ZBTB8OS: variants seen among roughly 807,000 people sequenced by gnomAD.
The protein encoded by ZBTB8OS is tRNA-splicing ligase-activating factor archease.
Under a neutral mutation model 29.3 loss-of-function variants are expected in ZBTB8OS, and 16 were observed. The ratio of observed to expected loss-of-function variants is 0.55; its 90% CI spans 0.37 to 0.83. The LOEUF (loss-of-function observed/expected upper bound fraction) is 0.83, where lower values mean the gene tolerates loss of function less well. Ranked by LOEUF, ZBTB8OS falls within the 40% of genes least tolerant of loss-of-function variation. The pLI is 0.00. For synonymous variants in ZBTB8OS, 70 were observed against 64.6 expected, an observed-to-expected ratio of 1.08 and a Z score of -0.40; for missense variants, 160 against 196.9, an observed-to-expected ratio of 0.81 and a Z score of 1.12.
intron 5 of ZBTB8OS, chr1:32,627,811 G>C (rs940629532): frequency 2.3e-6 from 1 of 440,250 alleles, no homozygotes; most frequent in African/African-American, 2.0e-5. Flanking sequence ...CCAAAGGGAG[G>C]ATCGCTTGAG....
chr1:32,641,029 T>C (rs1181044069), intron 1 of ZBTB8OS, among the ~76,000 whole-genome samples: 2 of 35,600 alleles, frequency 5.6e-5, no homozygotes, highest in Admixed American at 2.8e-4. Flanking sequence ...AAAAATTAGC[T>C]GGGCATGGTG....
Position 32,625,807 on chromosome 1 carries a change from G to A in ZBTB8OS, c.417+1701C>T, listed in dbSNP as rs138330892. 1.0e-3 allele frequency among the ~76,000 whole-genome samples: 158 copies of A among 151,570 alleles called. 1 individual carries two copies. The highest frequency in any genetic ancestry group is 3.4e-3 in the African/African-American group (139 of 41,362). The stretch of plus-strand genomic sequence containing the variant: ...TGAATTTAGAATACAGTTATGTGCC[G>A]CATAACATTTTGGTCAATGACTAAC... On this transcript the variant is annotated intron_variant, in intron 6 of 6. Transcript: ENST00000468695.
At chr1:32,643,173 C>T (rs967914524) in intron 1 of ZBTB8OS, among the ~76,000 whole-genome samples, 9 of 147,846 alleles carry the variant, frequency 6.1e-5, no homozygotes, top group Admixed American at 2.1e-4. Context: ...CAGGTTCAAG[C>T]GATTCTCCTG....
At chr1:32,648,353 A>C (rs1244887742) in intron 1 of ZBTB8OS, among the ~76,000 whole-genome samples, 4 of 152,238 alleles carry the variant, frequency 2.6e-5, no homozygotes, top group Non-Finnish European at 5.9e-5. Context: ...TTAGCAATGG[A>C]AACAAAAAAA....
At chr1:32,622,933 TTC>T (rs1286679294) in intron 6 of ZBTB8OS, among the ~76,000 whole-genome samples, 1 of 152,154 alleles carries the variant, frequency 6.6e-6, no homozygotes, top group Admixed American at 6.6e-5. Context: ...CTTGGGACTC[TTC>T]TCTTTCCAAG....
chr1:32,627,652 G>A, intron 5 of ZBTB8OS, 108 bp from the exon 6 acceptor site: 1 of 979,698 alleles, frequency 1.0e-6, no homozygotes. Context: ...AGAGACAGGA[G>A]GGGGTCAGGG....
At chr1:32,637,257 G>A (rs1268855778) in intron 1 of ZBTB8OS, among the ~76,000 whole-genome samples, 1 of 152,028 alleles carries the variant, frequency 6.6e-6, no homozygotes, top group Non-Finnish European at 1.5e-5. Context: ...ACACACGAGT[G>A]AAGAAGCCAG....
chr1:32,634,129 G>T, intron 2 of ZBTB8OS, 57 bp from the exon 3 acceptor site: 1 of 1,348,672 alleles, frequency 7.4e-7, no homozygotes, highest in South Asian at 2.4e-5. Flanking sequence ...AAGAAAATTT[G>T]ATAGCAGGCA....
chr1:32,637,707 A>C (rs910169408), intron 1 of ZBTB8OS, among the ~76,000 whole-genome samples: 2 of 152,192 alleles, frequency 1.3e-5, no homozygotes. Context: ...AGCAAAAGGG[A>C]ACTTTCTCTG....
chr1:32,634,827 T>A, intron 1 of ZBTB8OS, 35 bp from the exon 2 acceptor site: 2 of 1,348,978 alleles, frequency 1.5e-6, no homozygotes, highest in Non-Finnish European at 2.1e-6. Context: ...TATAAGACAC[T>A]AAACTTGACT....
intron 6 of ZBTB8OS, among the ~76,000 whole-genome samples, chr1:32,624,578 G>C (rs1188256078): frequency 6.6e-6 from 1 of 152,148 alleles, no homozygotes; most frequent in Non-Finnish European, 1.5e-5. Flanking sequence ...TAAGCTATTT[G>C]TAAAACATTC....
chr1:32,625,875 T>C (rs540006496), intron 6 of ZBTB8OS, among the ~76,000 whole-genome samples: 3 of 142,310 alleles, frequency 2.1e-5, no homozygotes, highest in East Asian at 4.0e-4. Flanking sequence ...ATGCTGTTTC[T>C]TTTTTTTTTT....
At chr1:32,634,343 C>A in intron 2 of ZBTB8OS, 1 of 305,972 alleles carries the variant, frequency 3.3e-6, no homozygotes, top group Non-Finnish European at 6.0e-6. Flanking sequence ...TCTCCTGCCT[C>A]AGCCTCACAA....
At chr1:32,641,067 G>A (rs977500709) in intron 1 of ZBTB8OS, among the ~76,000 whole-genome samples, 1 of 151,080 alleles carries the variant, frequency 6.6e-6, no homozygotes, top group African/African-American at 2.4e-5. Flanking sequence ...AGCTAATCGG[G>A]AGGCCGAGGC....
At chr1:32,642,896 G>C (rs1646524591) in intron 1 of ZBTB8OS, among the ~76,000 whole-genome samples, 1 of 137,786 alleles carries the variant, frequency 7.3e-6, no homozygotes, top group African/African-American at 2.8e-5. Flanking sequence ...TCAGCCTCCG[G>C]AGTAGCTGGG....
intron 1 of ZBTB8OS, among the ~76,000 whole-genome samples, chr1:32,638,637 G>A (rs1319623568): frequency 6.6e-6 from 1 of 152,160 alleles, no homozygotes; most frequent in Non-Finnish European, 1.5e-5. Flanking sequence ...AATAGGCTGG[G>A]TGTGGTGGCT....
chr1:32,634,599 C>A, intron 2 of ZBTB8OS, 169 bp downstream of exon 2: 1 of 755,424 alleles, frequency 1.3e-6, no homozygotes, highest in Non-Finnish European at 2.2e-6. Context: ...GCAATCTCGG[C>A]TCACTGAGCC....
rs1286243346 is a variant in ZBTB8OS, at chr1:32,639,309, T to A, written c.98-4517A>T. On this transcript the variant is annotated intron_variant, in intron 1 of 6. Transcript: ENST00000468695. ...CAAGACTCTACTCCCCCAAAAAAAA[T>A]AAAAAAAAAAAAGATGGAGTTTCCC... Among the ~76,000 whole-genome samples, 230 of 141,012 alleles carry A rather than the reference T, an allele frequency of 1.6e-3. 1 individual carries two copies. Among genetic ancestry groups the A allele is most frequent in the African/African-American group, 5.7e-3 (218 of 37,958 alleles). The allele number at this position is 141,012 out of a possible 152,430, so 92.5% of individuals were successfully genotyped here.
intron 3 of ZBTB8OS, 57 bp downstream of exon 3, chr1:32,633,894 T>C: frequency 1.3e-6 from 2 of 1,523,562 alleles, no homozygotes; most frequent in Non-Finnish European, 1.8e-6. Flanking sequence ...TGTAGAATAC[T>C]GCACAATTCT....
Sources: allele counts gnomAD v4.1 joint callset (sites outside exome capture counted in the v4.1 genomes callset), GRCh38; gene constraint gnomAD v4.1.1; transcripts MANE v1.5; gene names NCBI Gene and HGNC (gene_info 2026-07-23, HGNC 2026-07-21).